DLL3: variants seen among roughly 807,000 people sequenced by gnomAD.
The protein encoded by DLL3 is delta-like protein 3.
Under a neutral mutation model 55.0 loss-of-function variants are expected in DLL3, and 49 were observed. That is an observed-to-expected ratio of 0.89 (90% CI 0.71 to 1.13). DLL3 has a LOEUF of 1.13. Among genes scored for constraint, DLL3 ranks in the 50% most tolerant of loss-of-function variants. The pLI, the probability that DLL3 is intolerant of heterozygous loss-of-function variation, is 0.00. For missense variants in DLL3, 962 were observed against 875.5 expected (o/e 1.10, Z -1.25); for synonymous variants, 421 against 385.2 (o/e 1.09, Z -1.09).
chr19:39,502,191 A>C (rs900299348), intron 3 of DLL3, among the ~76,000 whole-genome samples: 1 of 151,932 alleles, frequency 6.6e-6, no homozygotes, highest in Non-Finnish European at 1.5e-5. Flanking sequence ...CGTCGCAAAA[A>C]ACAAACAAAA....
At chr19:39,500,275 A>AAAC (rs958835884) in intron 2 of DLL3, among the ~76,000 whole-genome samples, 14 of 151,928 alleles carry the variant, frequency 9.2e-5, no homozygotes, top group Non-Finnish European at 1.9e-4. Flanking sequence ...AAAAAAAAAA[A>AAAC]AAACATAGCA....
At position 39,504,243 on chromosome 19, in the gene DLL3, T is replaced by C; in HGVS notation, c.825T>C (p.Pro275=). 1 of 1,613,110 alleles carries C rather than the reference T, an allele frequency of 6.2e-7. No homozygotes were observed. ...SATTGCLVPG[P]GPCDGNPCAN... ...CCACCGGATGCCTTGTCCCTGGGCC[T>C]GGGCCCTGTGACGGGAACCCGTGTG... The change falls in exon 5 of 9, where the codon CCT becomes CCC. Residue 275 remains proline, a synonymous_variant. Transcript: ENST00000356433.
chr19:39,501,202 C>T (rs1425759060), intron 3 of DLL3, among the ~76,000 whole-genome samples: 1 of 152,068 alleles, frequency 6.6e-6, no homozygotes, highest in Non-Finnish European at 1.5e-5. Flanking sequence ...AGGATTTCAC[C>T]ATGTTGTCCA....
Position 39,508,380 on chromosome 19 carries a change from T to C in DLL3, c.*123T>C. 2 of 1,076,036 alleles carry C rather than the reference T, an allele frequency of 1.9e-6. No individual in the cohort carries two copies. Among genetic ancestry groups the C allele is most frequent in the South Asian group, 2.5e-5 (2 of 78,810 alleles). 66.7% of individuals were successfully genotyped at this position (1,076,036 alleles called of 1,614,324 possible). A position where few individuals can be genotyped will look rare whatever the true frequency, so the allele number is the denominator to read the frequency against. ...GAAGGGGTGTCTGGGGGAACTTTACTGTTGCAAGTTGTAAATAATGGTTAT... is the reference window on the plus strand; with the variant it reads ...GAAGGGGTGTCTGGGGGAACTTTACCGTTGCAAGTTGTAAATAATGGTTAT... On this transcript the variant is annotated 3_prime_UTR_variant, in exon 9 of 9. Transcript: ENST00000356433.
At position 39,502,820 on chromosome 19, in the gene DLL3, G is replaced by C. The variant is rs781246209; in HGVS notation, c.415G>C (p.Ala139Pro). 3.5e-6 allele frequency: 5 copies of C among 1,419,294 alleles called. No homozygotes were observed. Among genetic ancestry groups the C allele is most frequent in the Non-Finnish European group, 9.2e-7 (1 of 1,092,330 alleles). 87.9% of individuals were successfully genotyped at this position (1,419,294 alleles called of 1,614,324 possible). A position where few individuals can be genotyped will look rare whatever the true frequency, so the allele number is the denominator to read the frequency against. The change falls in exon 4 of 9, where the codon GCC becomes CCC. Residue 139 changes from alanine (A) to proline (P), a missense_variant. Ala to Pro is a conservative substitution (Grantham distance 27). Coordinates refer to ENST00000356433, the MANE Select transcript of DLL3 (RefSeq NM_203486.3). ...TCCTTTGCCTGTCCTCGCAGGGCCC[G>C]CCTGGAGCCTGCTGGCGCGCGTGGC... ...EELGDQIGGP[A>P]WSLLARVAGR...
chr19:39,499,850 C>T (rs1351819010), intron 2 of DLL3, among the ~76,000 whole-genome samples: 5 of 128,586 alleles, frequency 3.9e-5, no homozygotes, highest in Non-Finnish European at 8.5e-5. Context: ...AATATCTTCT[C>T]TCTCTTTTTT....
intron 6 of DLL3, 130 bp from the exon 7 acceptor site, chr19:39,506,909 T>TC (rs1423911809): frequency 1.7e-5 from 17 of 973,630 alleles, no homozygotes; most frequent in Non-Finnish European, 2.5e-5. Flanking sequence ...CCTGGCACAC[T>TC]CCAAGACGCT....
chr19:39,508,265 C>T lies in DLL3; in HGVS notation c.*8C>T. 2.5e-6 allele frequency: 4 copies of T among 1,613,900 alleles called. No individual in the cohort carries two copies. Among genetic ancestry groups the T allele is most frequent in the Non-Finnish European group, 3.4e-6 (4 of 1,179,976 alleles). ...TTTTGTTTCTAGGCCTGACGCGTCT[C>T]CTCCATCCGCACCTGGAGTCAGAGC... On this transcript the variant is annotated 3_prime_UTR_variant, in exon 9 of 9. Transcript: ENST00000356433.
Position 39,499,340 on chromosome 19 carries a change from C to T in DLL3, c.218C>T (p.Ala73Val), listed in dbSNP as rs2079595651. 3.2e-6 allele frequency: 5 copies of T among 1,550,916 alleles called. No homozygotes were observed. In the East Asian group the frequency reaches 1.2e-4, roughly 37 times the overall value. ...CLKPGLSEEA[A>V]ESPCALGAAL... ...AAGCCTGGGCTCTCAGAGGAGGCCG[C>T]CGAGTCCCCGTGCGCCCTGGGCGCG... Residue 73 changes from alanine to valine, a missense_variant, in exon 2 of 9, where the codon GCC (alanine) becomes GTC (valine). Ala to Val is a moderately conservative substitution (Grantham distance 64, BLOSUM62 0). Coordinates refer to ENST00000356433, the MANE Select transcript of DLL3 (RefSeq NM_203486.3).
chr19:39,500,746 T>G, intron 3 of DLL3, 74 bp downstream of exon 3: 1 of 1,328,492 alleles, frequency 7.5e-7, no homozygotes, highest in Non-Finnish European at 1.1e-6. Flanking sequence ...GTGTTATCTA[T>G]AGGTCTTATG....
In DLL3 at chr19:39,507,594, A is replaced by G. The variant is rs767204028; in HGVS notation, c.1649A>G (p.Gln550Arg). The change falls in exon 7 of 9, where the codon CAG becomes CGG. Residue 550 changes from glutamine to arginine, a missense_variant. Gln to Arg is a conservative substitution (Grantham distance 43). Transcript: ENST00000356433. Reference protein sequence around the residue: ...LPDALNNLRTQEGSGDGPSSS... With the variant: ...LPDALNNLRTREGSGDGPSSS... ...GATGCACTCAACAACCTAAGGACGC[A>G]GGAGGGTTCCGGGGATGGTCCGAGG... 1 of 1,608,966 alleles carries G rather than the reference A, an allele frequency of 6.2e-7. No individual in the cohort carries two copies. The highest frequency in any genetic ancestry group is 1.1e-5 in the South Asian group (1 of 90,248).
At chr19:39,504,038 T>A (rs750615299) in intron 4 of DLL3, 33 bp from the exon 5 acceptor site, 19 of 1,609,476 alleles carry the variant, frequency 1.2e-5, no homozygotes, top group Non-Finnish European at 1.5e-5. Flanking sequence ...GACGTTGGTG[T>A]TCCCTTTCTC....
At chr19:39,504,011 T>C in intron 4 of DLL3, 60 bp from the exon 5 acceptor site, 1 of 1,552,068 alleles carries the variant, frequency 6.4e-7, no homozygotes, top group Non-Finnish European at 8.8e-7. Context: ...CTTTCCATCT[T>C]GTCCCTGGCC....
chr19:39,503,648 C>T (rs1013023669), intron 4 of DLL3, among the ~76,000 whole-genome samples: 2 of 152,330 alleles, frequency 1.3e-5, no homozygotes, highest in Admixed American at 6.5e-5. Context: ...CTAGGACTCC[C>T]AGGCTAATCC....
At chr19:39,506,495 C>G (rs991513324) in intron 6 of DLL3, among the ~76,000 whole-genome samples, 1 of 152,026 alleles carries the variant, frequency 6.6e-6, no homozygotes, top group Admixed American at 6.6e-5. Flanking sequence ...GACTCAGCAC[C>G]GACCAGGACA....
intron 8 of DLL3, 127 bp from the exon 9 acceptor site, chr19:39,508,125 A>G: frequency 6.2e-7 from 1 of 1,612,822 alleles, no homozygotes; most frequent in Non-Finnish European, 8.5e-7. Flanking sequence ...CTCTTTGAAA[A>G]ACCTATGGGC....
intron 7 of DLL3, 86 bp downstream of exon 7, chr19:39,507,704 G>T (rs2079652907): frequency 6.3e-6 from 10 of 1,591,862 alleles, no homozygotes; most frequent in Non-Finnish European, 8.6e-6. Context: ...ATTCCTTGAT[G>T]CATTTCCCTG....
intron 5 of DLL3, 149 bp downstream of exon 5, chr19:39,504,437 CT>C: frequency 1.1e-6 from 1 of 895,120 alleles, no homozygotes; most frequent in Non-Finnish European, 1.7e-6. Context: ...CAGCCGGCAT[CT>C]GGGGCCTTGA....
rs369324363 is a variant in DLL3, at chr19:39,500,420, T to TCC, written c.352-184_352-183dup. ...CAGCCTGGTTGACAAAGTGAGATTC[T>TCC]CCCCCCCCCCCCAAAAAAAAGCCAC... On this transcript the variant is annotated intron_variant, in intron 2 of 8. Transcript: ENST00000356433. Among the ~76,000 whole-genome samples the TCC allele has an allele frequency of 2.9e-3, 273 of 93,744 alleles. 13 individuals are homozygous for TCC. Among genetic ancestry groups the TCC allele is most frequent in the South Asian group, 0.011 (26 of 2,276 alleles). The allele number at this position is 93,744 out of a possible 152,430, so 61.5% of individuals were successfully genotyped here. A position where few individuals can be genotyped will look rare whatever the true frequency, so the allele number is the denominator to read the frequency against.
Sources: allele counts gnomAD v4.1 joint callset (sites outside exome capture counted in the v4.1 genomes callset), GRCh38; gene constraint gnomAD v4.1.1; transcripts MANE v1.5; gene names NCBI Gene and HGNC (gene_info 2026-07-23, HGNC 2026-07-21).